BAZ2B: variants seen among roughly 807,000 people sequenced by gnomAD.
The protein encoded by BAZ2B is bromodomain adjacent to zinc finger domain protein 2B.
A neutral mutation model predicts 246.0 loss-of-function variants in BAZ2B; 91 were observed. The observed-to-expected ratio is 0.37, with a 90% CI of 0.31 to 0.44. The LOEUF (loss-of-function observed/expected upper bound fraction) is 0.44. Among genes scored for constraint, BAZ2B ranks in the 20% least tolerant of loss-of-function variants. BAZ2B has a pLI of 1.00. For synonymous variants in BAZ2B, 855 were observed against 860.0 expected (o/e 0.99, Z 0.10); for missense variants, 2,332 against 2,533.7 (o/e 0.92, Z 1.71).
chr2:159,340,219 T>TG (rs1301405323), intron 31 of BAZ2B, among the ~76,000 whole-genome samples: 1 of 147,244 alleles, frequency 6.8e-6, no homozygotes. Flanking sequence ...GACCAAGGGG[T>TG]GGGGGGAAAG....
chr2:159,697,498 C>T, the BAZ2B span, among the ~76,000 whole-genome samples: 1 of 152,126 alleles, frequency 6.6e-6, no homozygotes, highest in Non-Finnish European at 1.5e-5. Flanking sequence ...AAAGGAGCTA[C>T]TTGCTTTTTA....
At chr2:159,611,581 A>G in intron 1 of BAZ2B, among the ~76,000 whole-genome samples, 1 of 151,960 alleles carries the variant, frequency 6.6e-6, no homozygotes, top group East Asian at 1.9e-4. Context: ...AGTGTTAAAA[A>G]TTTATATTGT....
chr2:159,627,481 A>G, the BAZ2B span, among the ~76,000 whole-genome samples: 1 of 152,112 alleles, frequency 6.6e-6, no homozygotes, highest in African/African-American at 2.4e-5. Context: ...CGATCAAGTC[A>G]GATTCAACCC....
At chr2:159,671,416 T>C in the BAZ2B span, among the ~76,000 whole-genome samples, 2 of 152,196 alleles carry the variant, frequency 1.3e-5, no homozygotes, top group Admixed American at 1.3e-4. Flanking sequence ...AACTAATTCT[T>C]TCTAGAAGGT....
chr2:159,447,323 T>C (rs1449707363), intron 5 of BAZ2B, among the ~76,000 whole-genome samples: 1 of 152,232 alleles, frequency 6.6e-6, no homozygotes, highest in African/African-American at 2.4e-5. Context: ...TTATTCACTT[T>C]AAGATGGTTA....
intron 13 of BAZ2B, among the ~76,000 whole-genome samples, chr2:159,417,712 T>G (rs2068001045): frequency 6.6e-6 from 1 of 152,244 alleles, no homozygotes; most frequent in Non-Finnish European, 1.5e-5. Context: ...TAAATATTTG[T>G]TGAGGCACCT....
intron 3 of BAZ2B, among the ~76,000 whole-genome samples, chr2:159,476,624 A>C (rs2078587697): frequency 6.6e-6 from 1 of 152,242 alleles, no homozygotes; most frequent in African/African-American, 2.4e-5. Flanking sequence ...CAGAAAACTC[A>C]GAATCTGTAC....
intron 1 of BAZ2B, among the ~76,000 whole-genome samples, chr2:159,604,953 C>T (rs3032276): frequency 0.16 from 9,458 of 57,780 alleles, 393 homozygotes; most frequent in Middle Eastern, 0.33. Flanking sequence ...TGTGTGTGTG[C>T]GCGTGTGTGC....
chr2:159,469,817 C>T (rs1266000829), intron 3 of BAZ2B, among the ~76,000 whole-genome samples: 1 of 152,000 alleles, frequency 6.6e-6, no homozygotes, highest in Non-Finnish European at 1.5e-5. Flanking sequence ...AACAAACAAC[C>T]AAAACTCTCC....
chr2:159,497,763 CTTCTGTTACTG>C (rs1308011213), intron 2 of BAZ2B, among the ~76,000 whole-genome samples: 2 of 152,148 alleles, frequency 1.3e-5, no homozygotes, highest in African/African-American at 2.4e-5. Flanking sequence ...AGAAGATACT[CTTCTGTTACTG>C]TTCCCTGCCA....
At chr2:159,482,514 A>T (rs936727403) in intron 2 of BAZ2B, among the ~76,000 whole-genome samples, 1 of 152,198 alleles carries the variant, frequency 6.6e-6, no homozygotes, top group Non-Finnish European at 1.5e-5. Flanking sequence ...ATGTGGCAAG[A>T]AAAGAAACCT....
intron 1 of BAZ2B, among the ~76,000 whole-genome samples, chr2:159,589,216 T>C (rs1306512949): frequency 6.6e-6 from 1 of 152,196 alleles, no homozygotes; most frequent in Non-Finnish European, 1.5e-5. Flanking sequence ...AGGAAGAGTG[T>C]GAATTCCACA....
intron 28 of BAZ2B, 23 bp downstream of exon 28, chr2:159,349,685 G>A: frequency 1.3e-6 from 2 of 1,571,854 alleles, no homozygotes; most frequent in Non-Finnish European, 1.7e-6. Flanking sequence ...ATATAAAAAT[G>A]AGTTACAGTT....
intron 31 of BAZ2B, among the ~76,000 whole-genome samples, chr2:159,344,560 C>A (rs1029718167): frequency 4.2e-4 from 63 of 149,068 alleles, no homozygotes; most frequent in Non-Finnish European, 7.1e-4. Flanking sequence ...AAAGAAAAGA[C>A]ATCTGCATCC....
intron 25 of BAZ2B, among the ~76,000 whole-genome samples, chr2:159,378,240 A>T (rs1227044755): frequency 6.6e-6 from 1 of 152,224 alleles, no homozygotes; most frequent in Non-Finnish European, 1.5e-5. Context: ...CTGATACTCA[A>T]ATTATATACC....
At chr2:159,469,539 G>T (rs916276753) in intron 3 of BAZ2B, among the ~76,000 whole-genome samples, 1 of 151,986 alleles carries the variant, frequency 6.6e-6, no homozygotes, top group African/African-American at 2.4e-5. Flanking sequence ...AGGTTCAAGC[G>T]ATTCCCCTGC....
intron 1 of BAZ2B, among the ~76,000 whole-genome samples, chr2:159,608,354 A>G (rs1435222674): frequency 6.6e-6 from 1 of 152,226 alleles, no homozygotes; most frequent in African/African-American, 2.4e-5. Context: ...CAGCCTGGAC[A>G]ACAGAGTGAG....
At chr2:159,681,918 C>T in the BAZ2B span, among the ~76,000 whole-genome samples, 3 of 144,238 alleles carry the variant, frequency 2.1e-5, no homozygotes, top group Non-Finnish European at 3.1e-5. Flanking sequence ...GAGACTCCGT[C>T]TCAAAAATAA....
At chr2:159,325,118 T>C (rs1322610060) in intron 35 of BAZ2B, among the ~76,000 whole-genome samples, 164 bp from the exon 36 acceptor site, 57 of 1,494 alleles carry the variant, frequency 0.038, 12 homozygotes, top group South Asian at 0.21. Context: ...ATATATATTT[T>C]ATATATATAT....
Sources: allele counts gnomAD v4.1 joint callset (sites outside exome capture counted in the v4.1 genomes callset), GRCh38; gene constraint gnomAD v4.1.1; transcripts MANE v1.5; gene names NCBI Gene and HGNC (gene_info 2026-07-23, HGNC 2026-07-21).